The following OGDH variants were observed in gnomAD, a reference collection of about 807,000 sequenced individuals.
OGDH encodes oxoglutarate dehydrogenase.
OGDH carries 38 observed loss-of-function variants against 116.6 expected under a neutral mutation model. The observed-to-expected ratio is 0.33, with a 90% CI of 0.25 to 0.43. The LOEUF (loss-of-function observed/expected upper bound fraction) is 0.43, where lower values mean the gene tolerates loss of function less well. Ranked by LOEUF, OGDH falls within the 20% of genes least tolerant of loss-of-function variation. OGDH has a pLI of 1.00. For synonymous variants in OGDH, 488 were observed against 533.3 expected, an observed-to-expected ratio of 0.92 and a Z score of 1.17; for missense variants, 825 against 1,357.2, an observed-to-expected ratio of 0.61 and a Z score of 6.16.
At position 44,628,862 on chromosome 7, in the gene OGDH, C is replaced by T. The variant is rs550536770; in HGVS notation, c.222+4297C>T. ...GTACCTTTTTTACCCTAAGTCCACT[C>T]CCCAGAACAGAATCCGGTTAACTAG... On this transcript the variant is annotated intron_variant, in intron 2 of 22. Coordinates refer to ENST00000222673, the MANE Select transcript of OGDH (RefSeq NM_002541.4). 6.6e-5 allele frequency among the ~76,000 whole-genome samples: 10 copies of T among 152,216 alleles called. No homozygotes were observed. In the South Asian group the frequency reaches 2.1e-3, roughly 32 times the overall value.
chr7:44,631,728 G>C (rs1199748303), intron 2 of OGDH, among the ~76,000 whole-genome samples: 1 of 152,168 alleles, frequency 6.6e-6, no homozygotes, highest in Non-Finnish European at 1.5e-5. Flanking sequence ...GGCTGCAAGA[G>C]GAAAAGCAGT....
At chr7:44,636,838 A>G (rs1785691760) in intron 2 of OGDH, among the ~76,000 whole-genome samples, 1 of 152,194 alleles carries the variant, frequency 6.6e-6, no homozygotes, top group Non-Finnish European at 1.5e-5. Flanking sequence ...GAATGTAAAA[A>G]TTATTTACCG....
intron 1 of OGDH, among the ~76,000 whole-genome samples, chr7:44,608,234 T>A (rs1784430490): frequency 6.6e-6 from 1 of 151,880 alleles, no homozygotes; most frequent in Non-Finnish European, 1.5e-5. Flanking sequence ...ATACCCGGCG[T>A]CTACAAAAAA....
chr7:44,614,304 TTTTTTTTG>T, intron 1 of OGDH, among the ~76,000 whole-genome samples: 1 of 147,364 alleles, frequency 6.8e-6, no homozygotes, highest in South Asian at 2.1e-4. Context: ...GTTTTTTTTG[TTTTTTTTG>T]TTTGTTTGTT....
Position 44,696,973 on chromosome 7 carries a change from G to T in OGDH, c.1960G>T (p.Ala654Ser). ...EMVKNRTVDW[A>S]LAEYMAFGSL... is the part of the protein sequence containing the mutation. ...GGTGAAGAACCGGACTGTGGACTGGGCTCTAGCGGAGTACATGGCGTTTGG... is the reference window on the plus strand; with the variant it reads ...GGTGAAGAACCGGACTGTGGACTGGTCTCTAGCGGAGTACATGGCGTTTGG... Residue 654 changes from alanine (A) to serine (S), a missense_variant, in exon 15 of 23, where the codon GCT (alanine) becomes TCT (serine). By Grantham distance (99) the Ala-to-Ser change is moderately conservative. Coordinates refer to ENST00000222673, the MANE Select transcript of OGDH (RefSeq NM_002541.4). 1 of 1,614,260 alleles carries T rather than the reference G, an allele frequency of 6.2e-7. No homozygotes were observed.
Position 44,666,806 on chromosome 7 carries a change from A to G in OGDH, c.588A>G (p.Gly196=), listed in dbSNP as rs1280355557. The G allele has an allele frequency of 6.2e-7, 1 of 1,612,982 alleles. No individual in the cohort carries two copies. Among genetic ancestry groups the G allele is most frequent in the African/African-American group, 1.3e-5 (1 of 74,842 alleles). Residue 196 remains glycine (G), a synonymous_variant, in exon 5 of 23, where the codon GGA becomes GGG. Transcript: ENST00000222673. ...FHLPTTTFIG[G]QESALPLREI... ...TGCCCACCACCACTTTCATCGGGGG[A>G]CAGGAATCAGCACTTCCTCTGCGGG...
intron 4 of OGDH, among the ~76,000 whole-genome samples, chr7:44,666,229 C>T (rs907138060): frequency 1.3e-5 from 2 of 152,208 alleles, no homozygotes; most frequent in African/African-American, 2.4e-5. Context: ...GACTGTTTCT[C>T]CTTCACTTCT....
chr7:44,647,840 C>A, intron 4 of OGDH, 81 bp downstream of exon 4: 1 of 1,057,536 alleles, frequency 9.5e-7, no homozygotes, highest in Non-Finnish European at 1.5e-6. Flanking sequence ...GATGTCCAGG[C>A]AGGAGGGAAA....
intron 10 of OGDH, among the ~76,000 whole-genome samples, chr7:44,689,480 C>G (rs1029268210): frequency 4.4e-5 from 6 of 135,424 alleles, no homozygotes; most frequent in African/African-American, 1.1e-4. Context: ...CTCAAGTTAT[C>G]CACCTGCCTC....
chr7:44,674,613 G>A (rs918033781), intron 7 of OGDH, 56 bp downstream of exon 7: 1 of 1,597,968 alleles, frequency 6.3e-7, no homozygotes, highest in Admixed American at 1.7e-5. Flanking sequence ...GGCTGTGTAG[G>A]AGGCACCAGG....
At chr7:44,685,939 G>A (rs76639975) in intron 10 of OGDH, among the ~76,000 whole-genome samples, 6,771 of 152,082 alleles carry the variant, frequency 0.045, 182 homozygotes, top group East Asian at 0.086. Flanking sequence ...CCTGCTTTCC[G>A]TTCTTTGGAG....
intron 6 of OGDH, 27 bp downstream of exon 6, chr7:44,673,968 G>A (rs751656392): frequency 6.2e-7 from 1 of 1,613,180 alleles, no homozygotes; most frequent in African/African-American, 1.3e-5. Flanking sequence ...GGGCCATGGG[G>A]CAGACATTCC....
intron 20 of OGDH, among the ~76,000 whole-genome samples, chr7:44,705,201 C>T (rs1239019239): frequency 3.4e-5 from 5 of 146,520 alleles, no homozygotes; most frequent in African/African-American, 1.0e-4. Context: ...TACAGGCGCC[C>T]GCCACTACGC....
intron 10 of OGDH, among the ~76,000 whole-genome samples, chr7:44,690,925 A>T (rs1333690319): frequency 1.1e-4 from 17 of 152,008 alleles, no homozygotes; most frequent in Admixed American, 1.1e-3. Context: ...TCAGGCTCTG[A>T]TACACCATTT....
intron 2 of OGDH, among the ~76,000 whole-genome samples, chr7:44,639,990 T>C (rs758056619): frequency 5.3e-5 from 8 of 152,162 alleles, no homozygotes; most frequent in Non-Finnish European, 1.2e-4. Flanking sequence ...GGAGTTGTAT[T>C]CCAAGCACAA....
At chr7:44,622,913 A>G (rs1785057412) in intron 1 of OGDH, 1 of 152,232 alleles carries the variant, frequency 6.6e-6, no homozygotes, top group Non-Finnish European at 1.5e-5. Flanking sequence ...GTAAAGTGAA[A>G]GAGCTGGTGC....
intron 2 of OGDH, among the ~76,000 whole-genome samples, chr7:44,637,678 G>T (rs977243915): frequency 1.1e-4 from 16 of 152,022 alleles, no homozygotes; most frequent in African/African-American, 3.9e-4. Flanking sequence ...AGACACGATG[G>T]CGGTGCCTGT....
chr7:44,674,702 T>C (rs369550347), intron 7 of OGDH, 145 bp downstream of exon 7: 1 of 865,810 alleles, frequency 1.2e-6, no homozygotes, highest in Admixed American at 2.6e-5. Context: ...TGAGGGTGTA[T>C]TGCTTTGCAG....
At chr7:44,682,567 C>T (rs1239982735) in intron 10 of OGDH, among the ~76,000 whole-genome samples, 4 of 151,324 alleles carry the variant, frequency 2.6e-5, no homozygotes, top group African/African-American at 4.9e-5. Context: ...TGGTGGCGCG[C>T]ACTTGTAATC....
Sources: allele counts gnomAD v4.1 joint callset (sites outside exome capture counted in the v4.1 genomes callset), GRCh38; gene constraint gnomAD v4.1.1; transcripts MANE v1.5; gene names NCBI Gene and HGNC (gene_info 2026-07-23, HGNC 2026-07-21).